The following LMBR1 variants were observed in gnomAD, a reference collection of about 807,000 sequenced individuals.
LMBR1 encodes the protein limb development membrane protein 1, also known as limb region 1 protein homolog.
A neutral mutation model predicts 73.9 loss-of-function variants in LMBR1; 52 were observed. The ratio of observed to expected loss-of-function variants is 0.70; its 90% CI spans 0.56 to 0.89. LMBR1 has a LOEUF of 0.89. Among genes scored for constraint, LMBR1 ranks in the 40% least tolerant of loss-of-function variants. The pLI is 0.00. For missense variants in LMBR1, 539 were observed against 579.8 expected, an observed-to-expected ratio of 0.93 and a Z score of 0.72; for synonymous variants, 215 against 209.4, an observed-to-expected ratio of 1.03 and a Z score of -0.23.
At chr7:156,860,830 T>C (rs367954057) in intron 1 of LMBR1, among the ~76,000 whole-genome samples, 1 of 152,232 alleles carries the variant, frequency 6.6e-6, no homozygotes, top group Non-Finnish European at 1.5e-5. Flanking sequence ...ATGGTCTCCT[T>C]TGACACCATG....
At chr7:156,711,907 A>T (rs1812156590) in intron 15 of LMBR1, among the ~76,000 whole-genome samples, 1 of 152,184 alleles carries the variant, frequency 6.6e-6, no homozygotes, top group South Asian at 2.1e-4. Context: ...ACTAGAAGAA[A>T]ACCTAGGAAA....
chr7:156,800,453 GTT>G (rs1478214649), intron 4 of LMBR1, among the ~76,000 whole-genome samples: 2 of 119,672 alleles, frequency 1.7e-5, no homozygotes, highest in Admixed American at 2.2e-4. Flanking sequence ...TTACTAAATA[GTT>G]TAAGCCTACT....
At chr7:156,867,117 G>T (rs1798581679) in intron 1 of LMBR1, among the ~76,000 whole-genome samples, 1 of 152,090 alleles carries the variant, frequency 6.6e-6, no homozygotes, top group African/African-American at 2.4e-5. Flanking sequence ...AAGTTGAAGA[G>T]ATATTTCTCC....
chr7:156,821,681 A>G (rs1263645338), intron 4 of LMBR1, among the ~76,000 whole-genome samples: 3 of 152,254 alleles, frequency 2.0e-5, no homozygotes, highest in Admixed American at 6.5e-5. Context: ...TTTGTGTCCC[A>G]TGTGAATGCT....
At chr7:156,829,144 C>T (rs1370024390) in intron 3 of LMBR1, among the ~76,000 whole-genome samples, 4 of 152,350 alleles carry the variant, frequency 2.6e-5, no homozygotes, top group African/African-American at 7.2e-5. Flanking sequence ...TAAAGGCTCT[C>T]GTGCCCCTTT....
intron 1 of LMBR1, among the ~76,000 whole-genome samples, chr7:156,843,708 C>T (rs1839113989): frequency 6.6e-6 from 1 of 151,520 alleles, no homozygotes; most frequent in East Asian, 2.0e-4. Flanking sequence ...TGGTGGCACA[C>T]GCCTGTAATC....
At chr7:156,691,616 C>T (rs928682393) in intron 15 of LMBR1, among the ~76,000 whole-genome samples, 1 of 152,056 alleles carries the variant, frequency 6.6e-6, no homozygotes, top group Non-Finnish European at 1.5e-5. Context: ...AAGCTTGACA[C>T]ATAAAGGGAT....
rs1804432595 is a variant in LMBR1 at position 156,678,435 on chromosome 7, A to C, written c.*5643T>G. ...GCGCCCATCGAAAGCTTGCGAGACC[A>C]AGTTGCAACCACAGAACGCTAAAAA... On this transcript the variant is annotated 3_prime_UTR_variant, in exon 17 of 17. Coordinates refer to ENST00000353442, the MANE Select transcript of LMBR1 (RefSeq NM_022458.4). 6.6e-6 allele frequency: 1 copy of C among 152,250 alleles called. No individual in the cohort carries two copies. The highest frequency in any genetic ancestry group is 2.4e-5 in the African/African-American group (1 of 41,468). The allele number at this position is 152,250 out of a possible 1,614,324, so 9.4% of individuals were successfully genotyped here. A position where few individuals can be genotyped will look rare whatever the true frequency, so the allele number is the denominator to read the frequency against.
intron 15 of LMBR1, among the ~76,000 whole-genome samples, chr7:156,695,310 AAAAC>A (rs1371467417): frequency 6.6e-6 from 1 of 152,238 alleles, no homozygotes; most frequent in Non-Finnish European, 1.5e-5. Flanking sequence ...CTTTGTCTCC[AAAAC>A]AAACAAACGG....
chr7:156,745,960 G>T (rs945727763), intron 9 of LMBR1, among the ~76,000 whole-genome samples: 1 of 152,170 alleles, frequency 6.6e-6, no homozygotes, highest in Non-Finnish European at 1.5e-5. Flanking sequence ...TTCAGGTAAT[G>T]TGACACAAGC....
At chr7:156,839,557 G>A (rs1351956659) in intron 1 of LMBR1, among the ~76,000 whole-genome samples, 1 of 152,182 alleles carries the variant, frequency 6.6e-6, no homozygotes, top group Non-Finnish European at 1.5e-5. Context: ...GAGTGATGAT[G>A]AAGTCTAGAG....
intron 9 of LMBR1, among the ~76,000 whole-genome samples, chr7:156,738,747 G>A (rs1818361933): frequency 6.6e-6 from 1 of 152,098 alleles, no homozygotes; most frequent in Non-Finnish European, 1.5e-5. Context: ...CCTTGAAGTG[G>A]GGGACTCAGT....
intron 15 of LMBR1, among the ~76,000 whole-genome samples, chr7:156,706,678 A>G (rs1165558751): frequency 6.6e-6 from 1 of 152,180 alleles, no homozygotes; most frequent in Non-Finnish European, 1.5e-5. Context: ...AATTTTTGAA[A>G]CAAATGAAAA....
intron 16 of LMBR1, among the ~76,000 whole-genome samples, chr7:156,686,439 T>A (rs972729660): frequency 4.6e-5 from 7 of 152,192 alleles, no homozygotes; most frequent in African/African-American, 1.7e-4. Flanking sequence ...AAGTCTCAGC[T>A]AAATCCCTGT....
chr7:156,871,742 C>T (rs779343572), intron 1 of LMBR1, among the ~76,000 whole-genome samples: 34 of 152,084 alleles, frequency 2.2e-4, no homozygotes, highest in Admixed American at 5.2e-4. Context: ...AATTCAGCAC[C>T]CTTTCATGGT....
intron 4 of LMBR1, among the ~76,000 whole-genome samples, chr7:156,798,378 C>T (rs1830398747): frequency 6.6e-6 from 1 of 152,150 alleles, no homozygotes; most frequent in Non-Finnish European, 1.5e-5. Flanking sequence ...TGCTAGTTTT[C>T]CCTTTCATCT....
intron 5 of LMBR1, among the ~76,000 whole-genome samples, chr7:156,775,707 A>AT (rs1279372056): frequency 2.6e-5 from 4 of 152,124 alleles, no homozygotes; most frequent in African/African-American, 4.8e-5. Flanking sequence ...TTTTTTCTGA[A>AT]TTTTTTAGAG....
rs901284250 is a variant in LMBR1, at chr7:156,821,244, C to T, written c.319+5361G>A. On this transcript the variant is annotated intron_variant, in intron 4 of 16. Transcript: ENST00000353442. The stretch of plus-strand genomic sequence containing the variant: ...CATAAAGAAGTGCCGCCAATGCCGA[C>T]GGTCCCCACTCCCGCTACGCTGCCT... Among the ~76,000 whole-genome samples, 7 of 152,222 alleles carry T rather than the reference C, an allele frequency of 4.6e-5. No individual in the cohort carries two copies. The East Asian group carries it at 5.8e-4, about 13-fold the overall frequency.
In LMBR1 at chr7:156,678,107, C is replaced by T. The variant is rs1225502589; in HGVS notation, c.*5971G>A. 6.6e-6 allele frequency: 1 copy of T among 152,298 alleles called. No individual in the cohort carries two copies. The highest frequency in any genetic ancestry group is 2.4e-5 in the African/African-American group (1 of 41,466). The allele number at this position is 152,298 out of a possible 1,614,324, so 9.4% of individuals were successfully genotyped here. On this transcript the variant is annotated 3_prime_UTR_variant, in exon 17 of 17. Coordinates refer to ENST00000353442, the MANE Select transcript of LMBR1 (RefSeq NM_022458.4). ...GCTGTGCCCAACACTTCTTCCGGGG[C>T]TTTCTCATCACATCTGTGAGCCATG...
Sources: gnomAD v4.1 joint callset for allele counts (sites outside exome capture counted in the v4.1 genomes callset) on GRCh38, gnomAD v4.1.1 for gene constraint, MANE v1.5 for transcripts, NCBI Gene and HGNC (gene_info 2026-07-23, HGNC 2026-07-21) for gene names.